Variants in SGCD observed in about 807,000 individuals in gnomAD.
SGCD encodes the protein sarcoglycan delta, also known as delta-sarcoglycan.
Under a neutral mutation model 36.6 loss-of-function variants are expected in SGCD, and 18 were observed. The observed-to-expected ratio is 0.49, with a 90% CI of 0.34 to 0.73. The LOEUF (loss-of-function observed/expected upper bound fraction) is 0.73, where lower values mean the gene tolerates loss of function less well. SGCD is among the 30% of genes least tolerant of loss of function. The pLI is 0.01. For synonymous variants in SGCD, 133 were observed against 130.6 expected, an observed-to-expected ratio of 1.02 and a Z score of -0.12; for missense variants, 387 against 346.7, an observed-to-expected ratio of 1.12 and a Z score of -0.92.
chr5:156,710,916 A>G (rs1754962153), intron 7 of SGCD, among the ~76,000 whole-genome samples: 1 of 152,232 alleles, frequency 6.6e-6, no homozygotes, highest in Non-Finnish European at 1.5e-5. Context: ...TCCATAAGAG[A>G]TAGCCTTGTC....
intron 3 of SGCD, among the ~76,000 whole-genome samples, chr5:156,213,536 C>T (rs1273540273): frequency 6.6e-6 from 1 of 152,012 alleles, no homozygotes; most frequent in Non-Finnish European, 1.5e-5. Context: ...TTCTATCAAA[C>T]ATTTAAAAAA....
intron 6 of SGCD, among the ~76,000 whole-genome samples, chr5:156,639,162 G>A (rs926667596): frequency 6.6e-6 from 1 of 151,816 alleles, no homozygotes; most frequent in African/African-American, 2.4e-5. Context: ...ATGTGTATGT[G>A]TATATGTATG....
intron 3 of SGCD, among the ~76,000 whole-genome samples, chr5:156,141,591 A>C (rs548453913): frequency 4.6e-5 from 7 of 152,220 alleles, no homozygotes; most frequent in African/African-American, 1.4e-4. Context: ...AGATCAATGC[A>C]GTGGTTTTTC....
chr5:156,593,776 G>A (rs958104780), intron 5 of SGCD, among the ~76,000 whole-genome samples: 4 of 152,114 alleles, frequency 2.6e-5, no homozygotes, highest in African/African-American at 9.7e-5. Flanking sequence ...TGTGTTCCTA[G>A]TGGTCTTTGG....
At chr5:156,135,439 G>C (rs1364736825) in intron 3 of SGCD, among the ~76,000 whole-genome samples, 1 of 152,128 alleles carries the variant, frequency 6.6e-6, no homozygotes, top group Non-Finnish European at 1.5e-5. Flanking sequence ...CCTCTTCCCT[G>C]TAGCCTTACA....
At chr5:156,691,330 A>G (rs1045878824) in intron 7 of SGCD, among the ~76,000 whole-genome samples, 7 of 152,086 alleles carry the variant, frequency 4.6e-5, no homozygotes, top group African/African-American at 1.4e-4. Context: ...TCAGTTCCTC[A>G]GGCATGCTGG....
intron 4 of SGCD, among the ~76,000 whole-genome samples, chr5:156,586,421 C>T (rs771273771): frequency 2.0e-5 from 3 of 152,142 alleles, no homozygotes; most frequent in Non-Finnish European, 2.9e-5. Context: ...GGTCAGATAT[C>T]TCAAATGTAA....
intron 3 of SGCD, among the ~76,000 whole-genome samples, chr5:156,386,115 A>T (rs1484064415): frequency 6.6e-6 from 1 of 152,216 alleles, no homozygotes; most frequent in Non-Finnish European, 1.5e-5. Context: ...TAGTATAGTT[A>T]TTGAGCTTTC....
At chr5:156,700,600 T>C (rs1754489698) in intron 7 of SGCD, among the ~76,000 whole-genome samples, 1 of 152,124 alleles carries the variant, frequency 6.6e-6, no homozygotes, top group Non-Finnish European at 1.5e-5. Context: ...TATCTTTGAC[T>C]TTTCCCCCAG....
At position 156,184,444 on chromosome 5, in the gene SGCD, T is replaced by G. The variant is rs539699157; in HGVS notation, c.-44+60425T>G. ...TAAATATATGCAAATAGTACTTGGA[T>G]AAAATATTTTAAAAAATAATTTAAA... On this transcript the variant is annotated intron_variant, in intron 3 of 9. Transcript: ENST00000517913. 5.1e-4 allele frequency among the ~76,000 whole-genome samples: 77 copies of G among 152,072 alleles called. 1 individual carries two copies. Among genetic ancestry groups the G allele is most frequent in the Middle Eastern group, 3.4e-3 (1 of 294 alleles).
intron 4 of SGCD, among the ~76,000 whole-genome samples, chr5:156,575,729 GT>G (rs895400778): frequency 6.6e-6 from 1 of 151,358 alleles, no homozygotes; most frequent in Non-Finnish European, 1.5e-5. Context: ...CCTAAAATGG[GT>G]CCCATTAACA....
At chr5:156,428,387 T>A (rs921776091) in intron 3 of SGCD, among the ~76,000 whole-genome samples, 2 of 152,140 alleles carry the variant, frequency 1.3e-5, no homozygotes, top group Admixed American at 1.3e-4. Flanking sequence ...GTGTAATATC[T>A]CCCATTTCAT....
chr5:156,150,325 C>T (rs1164934127), intron 3 of SGCD, among the ~76,000 whole-genome samples: 1 of 151,646 alleles, frequency 6.6e-6, no homozygotes, highest in Non-Finnish European at 1.5e-5. Flanking sequence ...CCTTCCAAGG[C>T]TCAGCTTATG....
intron 1 of SGCD, among the ~76,000 whole-genome samples, chr5:156,044,755 A>G (rs1186946479): frequency 2.0e-5 from 3 of 152,196 alleles, no homozygotes; most frequent in African/African-American, 7.2e-5. Context: ...ATTGTAGAAA[A>G]TTAATGAATA....
intron 6 of SGCD, among the ~76,000 whole-genome samples, chr5:156,603,745 C>A (rs1761295472): frequency 6.6e-6 from 1 of 151,860 alleles, no homozygotes; most frequent in Admixed American, 6.6e-5. Context: ...TAGTTTTATA[C>A]CATTGTCAGA....
chr5:155,863,702 A>C, the SGCD span, among the ~76,000 whole-genome samples: 7 of 151,344 alleles, frequency 4.6e-5, no homozygotes, highest in East Asian at 1.4e-3. Flanking sequence ...GGAGATTTGG[A>C]GATGAAGGTC....
chr5:156,732,174 C>T (rs1400331176), intron 7 of SGCD, among the ~76,000 whole-genome samples: 3 of 152,046 alleles, frequency 2.0e-5, no homozygotes, highest in Admixed American at 6.5e-5. Context: ...ACTTCCAATA[C>T]TGTGTTGAAT....
intron 3 of SGCD, among the ~76,000 whole-genome samples, chr5:156,353,664 A>G (rs575576252): frequency 6.6e-6 from 1 of 152,350 alleles, no homozygotes; most frequent in African/African-American, 2.4e-5. Context: ...TCCTCTACTG[A>G]GAAAATCATG....
chr5:156,335,655 T>C (rs1418377238), intron 2 of SGCD, among the ~76,000 whole-genome samples: 5 of 152,040 alleles, frequency 3.3e-5, no homozygotes, highest in Non-Finnish European at 5.9e-5. Flanking sequence ...GCACACTCCA[T>C]CCCCCTCCTG....
Sources: gnomAD v4.1 joint callset for allele counts (sites outside exome capture counted in the v4.1 genomes callset) on GRCh38, gnomAD v4.1.1 for gene constraint, MANE v1.5 for transcripts, NCBI Gene and HGNC (gene_info 2026-07-23, HGNC 2026-07-21) for gene names.